The following ADCYAP1 variants were observed in gnomAD, a reference collection of about 807,000 sequenced individuals.
The protein encoded by ADCYAP1 is pituitary adenylate cyclase-activating polypeptide.
Under a neutral mutation model 18.5 loss-of-function variants are expected in ADCYAP1, and 6 were observed. The observed-to-expected ratio is 0.32, with a 90% confidence interval of 0.18 to 0.64. ADCYAP1 has a LOEUF of 0.64. Ranked by LOEUF, ADCYAP1 falls within the 30% of genes least tolerant of loss-of-function variation. The pLI, the probability that ADCYAP1 is intolerant of heterozygous loss-of-function variation, is 0.77. For missense variants in ADCYAP1, 314 were observed against 253.6 expected (o/e 1.24, Z -1.62); for synonymous variants, 136 against 113.9 (o/e 1.19, Z -1.24).
Position 909,472 on chromosome 18 carries a change from A to G in ADCYAP1, c.368A>G (p.Asp123Gly), listed in dbSNP as rs762992487. The G allele has an allele frequency of 6.2e-7, 1 of 1,611,738 alleles. No individual in the cohort carries two copies. The highest frequency in any genetic ancestry group is 8.5e-7 in the Non-Finnish European group (1 of 1,179,534). ...VGGSLGGGAG[D>G]DAEPLSKRHS... ...GGGAGCCTCGGCGGCGGCGCGGGGGACGACGCGGAGCCGCTCTCCAAGCGC... is the reference window on the plus strand; with the variant it reads ...GGGAGCCTCGGCGGCGGCGCGGGGGGCGACGCGGAGCCGCTCTCCAAGCGC... The change falls in exon 5 of 5, where the codon GAC becomes GGC. Residue 123 changes from aspartate to glycine, a missense_variant. Coordinates refer to ENST00000450565, the MANE Select transcript of ADCYAP1 (RefSeq NM_001099733.2).
chr18:908,407 T>A (rs769120911), intron 4 of ADCYAP1, 44 bp downstream of exon 4: 1 of 1,551,726 alleles, frequency 6.4e-7, no homozygotes, highest in African/African-American at 1.4e-5. Context: ...CCGGGGTGGG[T>A]GCCTGTGCGG....
intron 2 of ADCYAP1, chr18:907,455 G>C: frequency 2.0e-6 from 1 of 491,276 alleles, no homozygotes; most frequent in Non-Finnish European, 3.4e-6. Flanking sequence ...GGGGTGGGCG[G>C]GCCGCCCGGC....
In ADCYAP1 at chr18:908,258, C is replaced by T. The variant is rs1348732759; in HGVS notation, c.243-7C>T. 2 of 1,610,156 alleles carry T rather than the reference C, an allele frequency of 1.2e-6. No individual in the cohort carries two copies. Among genetic ancestry groups the T allele is most frequent in the Admixed American group, 1.7e-5 (1 of 59,782 alleles). Reference sequence around the variant, plus strand: ...GACCCTGGGCGCGCACTTTGCCTCCCCGTTAGAGATGTCGCCCACGGGATC... The same window carrying T: ...GACCCTGGGCGCGCACTTTGCCTCCTCGTTAGAGATGTCGCCCACGGGATC... On this transcript the variant is annotated splice_region_variant and splice_polypyrimidine_tract_variant and intron_variant, in intron 3 of 4. Transcript: ENST00000450565.
chr18:904,601 G>A, upstream of ADCYAP1: 1 of 1,264,504 alleles, frequency 7.9e-7, no homozygotes, highest in Non-Finnish European at 1.0e-6. Flanking sequence ...GAGCAGAGAA[G>A]GCGCCGCCGA....
chr18:906,312 G>C (rs571179719), intron 2 of ADCYAP1: 1 of 152,368 alleles, frequency 6.6e-6, no homozygotes, highest in Non-Finnish European at 1.5e-5. Context: ...CCAGAGTCGC[G>C]GACCGATGTG....
intron 1 of ADCYAP1, 106 bp downstream of exon 1, chr18:905,166 A>C: frequency 2.0e-5 from 28 of 1,382,002 alleles, no homozygotes; most frequent in East Asian, 2.9e-5. Context: ...GGGTCTGGCT[A>C]GTTATTGGGC....
At chr18:904,764 C>T (rs1238487481), upstream of ADCYAP1, 4 of 1,269,634 alleles carry the variant, frequency 3.2e-6, no homozygotes, top group Non-Finnish European at 4.1e-6. Flanking sequence ...TGCTCCTCCG[C>T]GCTTCACCTC....
chr18:904,656 C>G (rs1348161632), upstream of ADCYAP1: 1 of 1,222,882 alleles, frequency 8.2e-7, no homozygotes, highest in African/African-American at 1.6e-5. Context: ...GGCGGGCTAG[C>G]CGCCCGCCCT....
chr18:908,413 T>C, intron 4 of ADCYAP1, 50 bp downstream of exon 4: 1 of 1,528,804 alleles, frequency 6.5e-7, no homozygotes, highest in Non-Finnish European at 9.0e-7. Context: ...TGGGTGCCTG[T>C]GCGGGGCGCG....
rs955854192 is a variant in ADCYAP1 at position 910,053 on chromosome 18, G to C, written c.*418G>C. 1.3e-5 allele frequency: 2 copies of C among 152,520 alleles called. No homozygotes were observed. Among genetic ancestry groups the C allele is most frequent in the African/African-American group, 4.8e-5 (2 of 41,410 alleles). 9.4% of individuals were successfully genotyped at this position (152,520 alleles called of 1,614,324 possible). ...TTTGTAAACTGGAATTAAAAGGATA[G>C]TATTTTTATCCATGACAGGCCTGAA... On this transcript the variant is annotated 3_prime_UTR_variant, in exon 5 of 5. Transcript: ENST00000450565.
intron 4 of ADCYAP1, 84 bp downstream of exon 4, chr18:908,447 C>A: frequency 7.5e-6 from 9 of 1,200,760 alleles, no homozygotes; most frequent in Non-Finnish European, 1.1e-5. Flanking sequence ...GGTGGGTGCC[C>A]GTGGGGGCCA....
chr18:909,317 G>A, intron 4 of ADCYAP1, 129 bp from the exon 5 acceptor site: 1 of 857,642 alleles, frequency 1.2e-6, no homozygotes, highest in Non-Finnish European at 1.7e-6. Flanking sequence ...GGCGGGCGAC[G>A]CGGTGGGCAG....
upstream of ADCYAP1, chr18:904,458 G>A (rs1222092013): frequency 7.8e-7 from 1 of 1,288,960 alleles, no homozygotes; most frequent in South Asian, 1.2e-5. Flanking sequence ...GACAAAGAGG[G>A]CTCTCCAAAA....
intron 4 of ADCYAP1, 61 bp downstream of exon 4, chr18:908,424 C>A: frequency 1.4e-6 from 2 of 1,475,344 alleles, no homozygotes; most frequent in Non-Finnish European, 9.3e-7. Context: ...GCGGGGCGCG[C>A]GGGGCGGGCG....
At chr18:907,998 AG>A (rs568560107) in intron 3 of ADCYAP1, 4 of 990,668 alleles carry the variant, frequency 4.0e-6, no homozygotes, top group Non-Finnish European at 5.6e-6. Flanking sequence ...GTGGGGACCG[AG>A]GGGGGCTGTG....
At chr18:909,087 C>G (rs112210960) in intron 4 of ADCYAP1, among the ~76,000 whole-genome samples, 8,054 of 152,222 alleles carry the variant, frequency 0.053, 659 homozygotes, top group African/African-American at 0.18. Flanking sequence ...CTGTATGTCG[C>G]GGGTGAGAGG....
At chr18:907,325 C>T in intron 2 of ADCYAP1, among the ~76,000 whole-genome samples, 1 of 152,132 alleles carries the variant, frequency 6.6e-6, no homozygotes, top group Middle Eastern at 3.2e-3. Context: ...GCTCGGGAGC[C>T]AGGCGGGGAG....
upstream of ADCYAP1, chr18:904,607 G>A (rs957394262): frequency 1.6e-6 from 2 of 1,258,192 alleles, no homozygotes; most frequent in Non-Finnish European, 1.0e-6. Flanking sequence ...AGAAGGCGCC[G>A]CCGACCCTCG....
chr18:907,943 A>T (rs1018026380), intron 3 of ADCYAP1, 153 bp downstream of exon 3: 1 of 1,311,162 alleles, frequency 7.6e-7, no homozygotes, highest in African/African-American at 1.6e-5. Flanking sequence ...TATTGCAGCG[A>T]CAGAAAATCA....
Sources: gnomAD v4.1 joint callset for allele counts (sites outside exome capture counted in the v4.1 genomes callset) on GRCh38, gnomAD v4.1.1 for gene constraint, MANE v1.5 for transcripts, NCBI Gene and HGNC (gene_info 2026-07-23, HGNC 2026-07-21) for gene names.